LARGE1: variants seen among roughly 807,000 people sequenced by gnomAD.
LARGE1 encodes LARGE xylosyl- and glucuronyltransferase 1.
Under a neutral mutation model 87.6 loss-of-function variants are expected in LARGE1, and 43 were observed. The observed-to-expected ratio is 0.49, with a 90% confidence interval of 0.38 to 0.63. LARGE1 has a LOEUF of 0.63. Among genes scored for constraint, LARGE1 ranks in the 30% least tolerant of loss-of-function variants. LARGE1 has a pLI of 0.00. For missense variants in LARGE1, 802 were observed against 1,000.2 expected (o/e 0.80, Z 2.67); for synonymous variants, 434 against 394.6 (o/e 1.10, Z -1.18).
the LARGE1 span, among the ~76,000 whole-genome samples, chr22:33,069,250 A>C: frequency 6.6e-6 from 1 of 152,178 alleles, no homozygotes; most frequent in Non-Finnish European, 1.5e-5. Context: ...AATGAAGCAT[A>C]GTGATGAAAG....
intron 7 of LARGE1, among the ~76,000 whole-genome samples, chr22:33,396,797 C>T (rs7291480): frequency 0.087 from 13,227 of 152,214 alleles, 709 homozygotes; most frequent in Admixed American, 0.19. Context: ...GACAACAACA[C>T]TTCACTCTTC....
At chr22:33,334,409 C>CA (rs529074589) in intron 10 of LARGE1, among the ~76,000 whole-genome samples, 829 of 38,702 alleles carry the variant, frequency 0.021, 11 homozygotes, top group Middle Eastern at 0.07. Flanking sequence ...GACTCTGTCT[C>CA]AAAAAAAAAA....
chr22:33,644,339 A>C (rs1312078048), intron 3 of LARGE1, among the ~76,000 whole-genome samples: 1 of 152,208 alleles, frequency 6.6e-6, no homozygotes, highest in Admixed American at 6.5e-5. Flanking sequence ...GATGCAGAGA[A>C]GGTCTTCGAT....
intron 6 of LARGE1, among the ~76,000 whole-genome samples, chr22:33,469,827 TAAAAACA>T (rs368924028): frequency 6.8e-4 from 92 of 135,862 alleles, no homozygotes; most frequent in Admixed American, 2.1e-3. Context: ...GACTCCATCT[TAAAAACA>T]AAAAACAAAA....
intron 11 of LARGE1, among the ~76,000 whole-genome samples, chr22:33,201,443 GGAAGGGA>G (rs907202561): frequency 1.0e-5 from 1 of 95,540 alleles, no homozygotes; most frequent in African/African-American, 4.0e-5. Context: ...AAGGAAGGAA[GGAAGGGA>G]GGAGAAAAGA....
At chr22:33,658,133 C>CTTCA (rs1367342992) in intron 2 of LARGE1, among the ~76,000 whole-genome samples, 7 of 152,116 alleles carry the variant, frequency 4.6e-5, no homozygotes, top group African/African-American at 1.7e-4. Flanking sequence ...GTTGTTTCTG[C>CTTCA]TTCATTCCCT....
chr22:33,159,597 T>A (rs1040039942), downstream of LARGE1, among the ~76,000 whole-genome samples: 1 of 151,692 alleles, frequency 6.6e-6, no homozygotes, highest in African/African-American at 2.4e-5. Context: ...TTTTTTTTTT[T>A]TTTTGGAGAT....
chr22:33,227,160 C>G (rs1925781797), intron 11 of LARGE1, among the ~76,000 whole-genome samples: 1 of 152,144 alleles, frequency 6.6e-6, no homozygotes, highest in Non-Finnish European at 1.5e-5. Flanking sequence ...AAGATAGTGT[C>G]TATTTTTATG....
intron 11 of LARGE1, among the ~76,000 whole-genome samples, chr22:33,183,626 A>ACACG (rs1923304613): frequency 1.6e-5 from 2 of 124,462 alleles, no homozygotes; most frequent in African/African-American, 3.0e-5. Flanking sequence ...ACACGCACAC[A>ACACG]CACACACACA....
chr22:33,419,176 C>T (rs542388402), intron 7 of LARGE1, among the ~76,000 whole-genome samples: 13 of 152,070 alleles, frequency 8.5e-5, no homozygotes, highest in African/African-American at 3.1e-4. Flanking sequence ...CAGGAAAAAT[C>T]GCCACCTTAA....
chr22:33,770,910 C>T (rs762844124), intron 1 of LARGE1, among the ~76,000 whole-genome samples: 2 of 152,098 alleles, frequency 1.3e-5, no homozygotes, highest in Non-Finnish European at 2.9e-5. Flanking sequence ...TCCTCCTCTC[C>T]ACTTACTTCC....
At chr22:33,622,140 C>T (rs1251752241) in intron 4 of LARGE1, among the ~76,000 whole-genome samples, 1 of 152,136 alleles carries the variant, frequency 6.6e-6, no homozygotes, top group Non-Finnish European at 1.5e-5. Flanking sequence ...TTTGTGTCCC[C>T]ACCCAAATCT....
chr22:33,402,206 G>A (rs1569132304), intron 7 of LARGE1, among the ~76,000 whole-genome samples: 1 of 152,170 alleles, frequency 6.6e-6, no homozygotes, highest in Non-Finnish European at 1.5e-5. Flanking sequence ...GATGACATTG[G>A]CTTTGGTAGG....
chr22:33,305,568 G>C, intron 11 of LARGE1: 1 of 985,008 alleles, frequency 1.0e-6, no homozygotes. Flanking sequence ...CTCCTGGTCA[G>C]AATGCCCACT....
Position 33,751,035 on chromosome 22 carries a change from T to A in LARGE1, c.106+10336A>T, listed in dbSNP as rs79222973. Among the ~76,000 whole-genome samples, 1,376 of 152,296 alleles carry A rather than the reference T, an allele frequency of 9.0e-3. 13 individuals are homozygous for A. The highest frequency in any genetic ancestry group is 0.011 in the Non-Finnish European group (765 of 68,020). ...TCTCATCTAAAAACAATGCAAAACC[T>A]ACAAAATCACTTCAAATTCTGCTAC... On this transcript the variant is annotated intron_variant, in intron 2 of 14. Coordinates refer to ENST00000397394, the MANE Select transcript of LARGE1 (RefSeq NM_133642.5).
chr22:33,102,509 G>A, the LARGE1 span, among the ~76,000 whole-genome samples: 1 of 149,298 alleles, frequency 6.7e-6, no homozygotes, highest in African/African-American at 2.5e-5. Flanking sequence ...CTTTCTTTCT[G>A]AAGGAGTTTC....
At chr22:33,730,846 C>G (rs1029461004) in intron 2 of LARGE1, among the ~76,000 whole-genome samples, 2 of 151,874 alleles carry the variant, frequency 1.3e-5, no homozygotes, top group African/African-American at 4.8e-5. Flanking sequence ...GCATGCGCCA[C>G]CACACCCGGC....
intron 2 of LARGE1, among the ~76,000 whole-genome samples, chr22:33,672,430 A>G (rs1006223146): frequency 2.0e-5 from 3 of 152,160 alleles, no homozygotes; most frequent in Non-Finnish European, 4.4e-5. Context: ...GAGGAGTGAC[A>G]TCTGATTGCC....
intron 5 of LARGE1, among the ~76,000 whole-genome samples, chr22:33,568,930 A>G (rs1427068687): frequency 1.3e-5 from 2 of 152,120 alleles, no homozygotes; most frequent in Non-Finnish European, 2.9e-5. Context: ...TTTGTCTACA[A>G]TCCCACAGCC....
Sources: gnomAD v4.1 joint callset for allele counts (sites outside exome capture counted in the v4.1 genomes callset) on GRCh38, gnomAD v4.1.1 for gene constraint, MANE v1.5 for transcripts, NCBI Gene and HGNC (gene_info 2026-07-23, HGNC 2026-07-21) for gene names.